EPS15: variants seen among roughly 807,000 people sequenced by gnomAD.
EPS15 encodes the protein epidermal growth factor receptor pathway substrate 15.
Under a neutral mutation model 113.8 loss-of-function variants are expected in EPS15, and 72 were observed. The observed-to-expected ratio is 0.63, with a 90% CI of 0.52 to 0.77. The LOEUF (loss-of-function observed/expected upper bound fraction) is 0.77. Ranked by LOEUF, EPS15 falls within the 30% of genes least tolerant of loss-of-function variation. The pLI is 0.00. For missense variants in EPS15, 1,048 were observed against 1,045.8 expected, an observed-to-expected ratio of 1.00 and a Z score of -0.03; for synonymous variants, 344 against 363.4, an observed-to-expected ratio of 0.95 and a Z score of 0.61.
intron 1 of EPS15, among the ~76,000 whole-genome samples, chr1:51,510,886 C>T (rs569993031): frequency 5.3e-5 from 8 of 152,218 alleles, no homozygotes; most frequent in Admixed American, 3.9e-4. Flanking sequence ...GTATCTAGGC[C>T]GGGCACGATG....
At chr1:51,413,997 G>A (rs1003674417) in intron 13 of EPS15, among the ~76,000 whole-genome samples, 1 of 152,032 alleles carries the variant, frequency 6.6e-6, no homozygotes, top group African/African-American at 2.4e-5. Flanking sequence ...TGATCTGCCC[G>A]CCTCGGCCTC....
At position 51,361,193 on chromosome 1, in the gene EPS15, C is replaced by G; in HGVS notation, c.2522G>C (p.Ser841Thr). Residue 841 changes from serine to threonine, a missense_variant, in exon 24 of 25, where the codon AGC (serine) becomes ACC (threonine). Transcript: ENST00000371733. Reference sequence around the variant, plus strand: ...TACAGCACTGAAGTTGGCAAAATTGCTTGGATCAGCCTCTTTATTGGTAGT... The same window carrying G: ...TACAGCACTGAAGTTGGCAAAATTGGTTGGATCAGCCTCTTTATTGGTAGT... ...TTTTNKEADP[S>T]NFANFSAYPS... 6.2e-7 allele frequency: 1 copy of G among 1,613,916 alleles called. No individual in the cohort carries two copies.
chr1:51,372,569 A>G (rs1377794241), intron 21 of EPS15: 2 of 525,252 alleles, frequency 3.8e-6, no homozygotes, highest in Admixed American at 3.9e-5. Context: ...ACTACACAAG[A>G]GTAACATTGC....
At chr1:51,519,014 G>C (rs866895344) in intron 1 of EPS15, among the ~76,000 whole-genome samples, 185 bp downstream of exon 1, 13 of 151,342 alleles carry the variant, frequency 8.6e-5, no homozygotes, top group African/African-American at 2.9e-4. Context: ...GGCCGCAGGG[G>C]GGCTCCGGCT....
At chr1:51,498,292 C>T (rs897705494) in intron 1 of EPS15, among the ~76,000 whole-genome samples, 1 of 152,152 alleles carries the variant, frequency 6.6e-6, no homozygotes, top group Non-Finnish European at 1.5e-5. Flanking sequence ...GTACGGTGCT[C>T]AGTGGTATCA....
chr1:51,504,730 A>T (rs1009552310), intron 1 of EPS15, among the ~76,000 whole-genome samples: 2 of 152,212 alleles, frequency 1.3e-5, no homozygotes, highest in African/African-American at 4.8e-5. Context: ...AGTAAGCCAA[A>T]ATCAAAGAAT....
intron 11 of EPS15, among the ~76,000 whole-genome samples, chr1:51,442,389 G>A (rs1283743945): frequency 6.6e-6 from 1 of 152,080 alleles, no homozygotes. Context: ...TCAAAAAAAG[G>A]TGACTCACAT....
At chr1:51,408,094 A>C in intron 15 of EPS15, 41 bp downstream of exon 15, 3 of 1,507,132 alleles carry the variant, frequency 2.0e-6, no homozygotes, top group Non-Finnish European at 2.8e-6. Flanking sequence ...AAGGACACAG[A>C]GGATCCATTT....
At chr1:51,398,628 C>T (rs1648206803) in intron 20 of EPS15, among the ~76,000 whole-genome samples, 1 of 152,166 alleles carries the variant, frequency 6.6e-6, no homozygotes, top group Non-Finnish European at 1.5e-5. Flanking sequence ...ATTAACATTC[C>T]AGATGTGTCT....
At chr1:51,426,103 ACT>A (rs943717166) in intron 12 of EPS15, among the ~76,000 whole-genome samples, 18 of 151,458 alleles carry the variant, frequency 1.2e-4, no homozygotes, top group African/African-American at 4.1e-4. Flanking sequence ...CTAAATACAA[ACT>A]CTGTCACAAG....
intron 2 of EPS15, among the ~76,000 whole-genome samples, chr1:51,475,390 A>G (rs760145790): frequency 6.6e-6 from 1 of 152,210 alleles, no homozygotes; most frequent in African/African-American, 2.4e-5. Context: ...GTGAGATGGT[A>G]TCTCACTGTG....
At chr1:51,453,151 G>A (rs1570339160) in intron 8 of EPS15, among the ~76,000 whole-genome samples, 1 of 152,132 alleles carries the variant, frequency 6.6e-6, no homozygotes, top group African/African-American at 2.4e-5. Flanking sequence ...CTGTGAAATT[G>A]TCAGAATGGC....
chr1:51,469,944 C>T (rs1655121925), intron 4 of EPS15, among the ~76,000 whole-genome samples: 1 of 152,036 alleles, frequency 6.6e-6, no homozygotes, highest in African/African-American at 2.4e-5. Context: ...TCTCCTCCAC[C>T]AAACAGCTTC....
intron 12 of EPS15, chr1:51,423,843 G>A (rs1414044050): frequency 6.1e-6 from 2 of 329,300 alleles, no homozygotes; most frequent in African/African-American, 4.5e-5. Context: ...AAAGGACTCA[G>A]CTCTAAACAG....
chr1:51,472,748 C>A (rs1557502912), intron 3 of EPS15, 111 bp downstream of exon 3: 1 of 745,068 alleles, frequency 1.3e-6, no homozygotes, highest in Non-Finnish European at 2.3e-6. Flanking sequence ...TTCTATGACT[C>A]GGTTCTAACT....
At chr1:51,479,268 G>A (rs1056341193) in intron 2 of EPS15, among the ~76,000 whole-genome samples, 5 of 152,080 alleles carry the variant, frequency 3.3e-5, no homozygotes, top group East Asian at 1.9e-4. Flanking sequence ...TTGTGCTTGC[G>A]TCACGTAGTT....
At chr1:51,478,177 CT>C (rs1251248478) in intron 2 of EPS15, among the ~76,000 whole-genome samples, 1 of 152,132 alleles carries the variant, frequency 6.6e-6, no homozygotes, top group Admixed American at 6.6e-5. Context: ...GTTAGCTCTC[CT>C]TGTTGAATTG....
intron 12 of EPS15, chr1:51,423,551 T>C (rs1396690870): frequency 2.0e-6 from 2 of 985,334 alleles, no homozygotes; most frequent in Non-Finnish European, 2.4e-6. Flanking sequence ...CTCAGAGGCA[T>C]TCCACACAAG....
intron 12 of EPS15, among the ~76,000 whole-genome samples, chr1:51,438,022 C>T (rs1652297876): frequency 2.6e-5 from 4 of 151,910 alleles, no homozygotes; most frequent in Admixed American, 2.6e-4. Context: ...AATGTAATAC[C>T]TTGAAGACTT....
Sources: gnomAD v4.1 joint callset for allele counts (sites outside exome capture counted in the v4.1 genomes callset) on GRCh38, gnomAD v4.1.1 for gene constraint, MANE v1.5 for transcripts, NCBI Gene and HGNC (gene_info 2026-07-23, HGNC 2026-07-21) for gene names.